Variants in TXNRD1 observed in about 807,000 individuals in gnomAD.
TXNRD1 encodes the protein thioredoxin reductase 1.
Under a neutral mutation model 80.3 loss-of-function variants are expected in TXNRD1, and 57 were observed. That is an observed-to-expected ratio of 0.71 (90% confidence interval 0.57 to 0.89). The LOEUF (loss-of-function observed/expected upper bound fraction) is 0.89. Among genes scored for constraint, TXNRD1 ranks in the 40% least tolerant of loss-of-function variants. The probability of loss-of-function intolerance (pLI) is 0.00; values close to 1 mark genes in which losing one functional copy is unlikely to be tolerated. For missense variants in TXNRD1, 730 were observed against 803.0 expected, an observed-to-expected ratio of 0.91 and a Z score of 1.10; for synonymous variants, 291 against 285.2, an observed-to-expected ratio of 1.02 and a Z score of -0.20.
intron 1 of TXNRD1, among the ~76,000 whole-genome samples, chr12:104,231,204 C>T (rs1339042295): frequency 3.3e-5 from 5 of 152,176 alleles, no homozygotes; most frequent in Non-Finnish European, 7.3e-5. Context: ...CTATAACATT[C>T]TCCCCTGTGG....
chr12:104,304,907 G>A, intron 4 of TXNRD1: 1 of 1,610,374 alleles, frequency 6.2e-7, no homozygotes. Context: ...TGAAATTTCT[G>A]AGGCTATGAT....
At chr12:104,294,379 G>A (rs2034363985) in intron 4 of TXNRD1, among the ~76,000 whole-genome samples, 1 of 151,982 alleles carries the variant, frequency 6.6e-6, no homozygotes, top group South Asian at 2.1e-4. Context: ...GAGCCCTCCG[G>A]TGGCCCTGTT....
chr12:104,328,811 T>C (rs1015192453), intron 13 of TXNRD1, among the ~76,000 whole-genome samples: 15 of 151,612 alleles, frequency 9.9e-5, no homozygotes, highest in Non-Finnish European at 1.9e-4. Context: ...GTTGAATATG[T>C]TAAATGTTAT....
chr12:104,339,113 C>T, intron 15 of TXNRD1, 26 bp from the exon 16 acceptor site: 1 of 1,612,986 alleles, frequency 6.2e-7, no homozygotes, highest in Non-Finnish European at 8.5e-7. Context: ...AGCTTAATTG[C>T]ATTATTGTAT....
chr12:104,216,492 T>A (rs150618269), intron 1 of TXNRD1, among the ~76,000 whole-genome samples: 1,539 of 152,344 alleles, frequency 0.01, 35 homozygotes, highest in African/African-American at 0.035. Context: ...AAGCTCCCAG[T>A]CTCTTCTCCA....
intron 4 of TXNRD1, among the ~76,000 whole-genome samples, chr12:104,300,072 T>A (rs975275594): frequency 6.6e-6 from 1 of 152,204 alleles, no homozygotes; most frequent in African/African-American, 2.4e-5. Flanking sequence ...AAAACCTCAC[T>A]GGAGAAAAAT....
intron 1 of TXNRD1, among the ~76,000 whole-genome samples, chr12:104,249,809 C>T (rs1213877900): frequency 1.3e-5 from 2 of 151,828 alleles, no homozygotes; most frequent in East Asian, 3.9e-4. Flanking sequence ...GTGGCAGGCG[C>T]CTGTAGTCCC....
intron 16 of TXNRD1, chr12:104,339,538 C>G: frequency 3.6e-6 from 2 of 551,536 alleles, no homozygotes. Flanking sequence ...ATCATATCTT[C>G]TAAATTATTT....
At chr12:104,241,480 C>T (rs575079635) in intron 1 of TXNRD1, among the ~76,000 whole-genome samples, 3 of 152,248 alleles carry the variant, frequency 2.0e-5, no homozygotes, top group African/African-American at 7.2e-5. Flanking sequence ...AAGCGATTCT[C>T]CTGACTCAGC....
intron 3 of TXNRD1, among the ~76,000 whole-genome samples, chr12:104,279,667 T>G (rs2033834877): frequency 6.6e-6 from 1 of 152,218 alleles, no homozygotes; most frequent in Admixed American, 6.5e-5. Flanking sequence ...TGCAATTATC[T>G]CTTTTTGCTC....
At chr12:104,255,012 T>G (rs971113718) in intron 2 of TXNRD1, among the ~76,000 whole-genome samples, 7 of 151,794 alleles carry the variant, frequency 4.6e-5, no homozygotes, top group Non-Finnish European at 1.0e-4. Flanking sequence ...GGCACAGGCA[T>G]GAGAATCACT....
chr12:104,241,547 TTTAGTAGAGACG>T (rs1325310783), intron 1 of TXNRD1, among the ~76,000 whole-genome samples: 1 of 151,866 alleles, frequency 6.6e-6, no homozygotes, highest in African/African-American at 2.4e-5. Flanking sequence ...ATTTTGTATT[TTTAGTAGAGACG>T]GACTCTCCAC....
intron 1 of TXNRD1, among the ~76,000 whole-genome samples, chr12:104,236,410 A>C (rs561760051): frequency 5.4e-4 from 83 of 152,316 alleles, no homozygotes; most frequent in African/African-American, 1.8e-3. Context: ...CTGTTTGTAA[A>C]GTTCAAAAGC....
intron 3 of TXNRD1, among the ~76,000 whole-genome samples, chr12:104,259,233 T>A (rs1316002144): frequency 6.6e-6 from 1 of 151,660 alleles, no homozygotes; most frequent in Non-Finnish European, 1.5e-5. Flanking sequence ...TAAAAAAAAT[T>A]AGCTGGGTGT....
At chr12:104,339,040 A>AT (rs35337648) in intron 15 of TXNRD1, 99 bp from the exon 16 acceptor site, 219,996 of 1,487,626 alleles carry the variant, frequency 0.15, 17,971 homozygotes, top group South Asian at 0.21. Flanking sequence ...TTTGAGTTGG[A>AT]TTTTTAAGAA....
At chr12:104,259,490 C>CTTTT (rs574276851) in intron 3 of TXNRD1, among the ~76,000 whole-genome samples, 2 of 128,724 alleles carry the variant, frequency 1.6e-5, no homozygotes, top group East Asian at 2.2e-4. Flanking sequence ...AGTTTCATTT[C>CTTTT]TTTTTTTTTT....
At chr12:104,342,250 C>T (rs1356611743) in intron 16 of TXNRD1, among the ~76,000 whole-genome samples, 5 of 152,094 alleles carry the variant, frequency 3.3e-5, no homozygotes, top group Admixed American at 3.3e-4. Context: ...GTTCCTCTGG[C>T]AACCAGCTGC....
chr12:104,265,161 A>T, intron 3 of TXNRD1: 3 of 721,772 alleles, frequency 4.2e-6, no homozygotes, highest in Non-Finnish European at 6.8e-6. Context: ...CTGAGGCAGG[A>T]GAATCGCTTG....
At position 104,294,305 on chromosome 12, in the gene TXNRD1, G is replaced by A. The variant is rs1282032636; in HGVS notation, c.414+5265G>A. The stretch of plus-strand genomic sequence containing the variant: ...TTGTTTCTTGACACCTTTTGCTACT[G>A]CTGGACCACGATCCTCTTGGTGACG... On this transcript the variant is annotated intron_variant, in intron 4 of 16. Coordinates refer to ENST00000525566, the MANE Select transcript of TXNRD1 (RefSeq NM_001093771.3). 2.7e-5 allele frequency among the ~76,000 whole-genome samples: 4 copies of A among 148,148 alleles called. No individual in the cohort carries two copies. In the East Asian group the frequency reaches 8.1e-4, roughly 30 times the overall value.
Sources: allele counts gnomAD v4.1 joint callset (sites outside exome capture counted in the v4.1 genomes callset), GRCh38; gene constraint gnomAD v4.1.1; transcripts MANE v1.5; gene names NCBI Gene and HGNC (gene_info 2026-07-23, HGNC 2026-07-21).